The following TLK2 variants were observed in gnomAD, a reference collection of about 807,000 sequenced individuals.
The protein encoded by TLK2 is tousled like kinase 2.
In TLK2, 6 loss-of-function variants were observed where a neutral mutation model predicts 117.3. That is an observed-to-expected ratio of 0.05 (90% CI 0.03 to 0.10). The LOEUF (loss-of-function observed/expected upper bound fraction) is 0.10, where lower values mean the gene tolerates loss of function less well. TLK2 is among the 10% of genes least tolerant of loss of function. The pLI is 1.00. For synonymous variants in TLK2, 257 were observed against 316.7 expected, an observed-to-expected ratio of 0.81 and a Z score of 2.00; for missense variants, 299 against 901.2, an observed-to-expected ratio of 0.33 and a Z score of 8.56.
rs528685616 is a variant in TLK2, at chr17:62,527,309, T to C, written c.363+2978T>C. Among the ~76,000 whole-genome samples, 8 of 152,362 alleles carry C rather than the reference T, an allele frequency of 5.3e-5. No homozygotes were observed. In the East Asian group the frequency reaches 1.5e-3, roughly 29 times the overall value. ...GTTATTGGCACTTGACACACCCATGTACATACATTTTAATATATATTTAAA... is the reference window on the plus strand; with the variant it reads ...GTTATTGGCACTTGACACACCCATGCACATACATTTTAATATATATTTAAA... On this transcript the variant is annotated intron_variant, in intron 6 of 21. Coordinates refer to ENST00000346027, the MANE Select transcript of TLK2 (RefSeq NM_006852.6).
chr17:62,596,448 A>G (rs2082487334), intron 16 of TLK2, 137 bp from the exon 17 acceptor site: 5 of 633,030 alleles, frequency 7.9e-6, no homozygotes, highest in Non-Finnish European at 1.1e-5. Context: ...GAAAAGTCAG[A>G]TGAGGGACCA....
intron 10 of TLK2, among the ~76,000 whole-genome samples, chr17:62,563,398 G>A (rs2079455439): frequency 6.6e-6 from 1 of 152,100 alleles, no homozygotes; most frequent in South Asian, 2.1e-4. Context: ...AGCTGTGATT[G>A]CACTGCTGCA....
chr17:62,573,407 C>A, intron 12 of TLK2, 40 bp downstream of exon 12: 4 of 1,599,424 alleles, frequency 2.5e-6, no homozygotes, highest in Non-Finnish European at 3.4e-6. Context: ...ACACCACACC[C>A]TGCCCCCAAA....
chr17:62,543,997 A>T (rs1252084268), intron 7 of TLK2, among the ~76,000 whole-genome samples: 1 of 151,718 alleles, frequency 6.6e-6, no homozygotes. Flanking sequence ...TCTTGTGTTA[A>T]TTTTTGTGTG....
At chr17:62,567,528 A>G (rs957425649) in intron 11 of TLK2, among the ~76,000 whole-genome samples, 1 of 152,338 alleles carries the variant, frequency 6.6e-6, no homozygotes. Flanking sequence ...GCTGATGTCT[A>G]TTAATTATAG....
upstream of TLK2, among the ~76,000 whole-genome samples, chr17:62,474,502 T>C (rs1329081361): frequency 4.6e-5 from 7 of 151,944 alleles, no homozygotes; most frequent in Non-Finnish European, 7.4e-5. Context: ...CTCCACCTCC[T>C]GGGTTCATGC....
At chr17:62,488,512 T>C (rs7223515) in intron 2 of TLK2, among the ~76,000 whole-genome samples, 56,142 of 152,000 alleles carry the variant, frequency 0.37, 10,577 homozygotes, top group African/African-American at 0.41. Context: ...TATACTTATA[T>C]TGATGCATTT....
intron 19 of TLK2, among the ~76,000 whole-genome samples, chr17:62,604,945 C>A (rs1031554358): frequency 1.1e-4 from 16 of 152,048 alleles, no homozygotes; most frequent in African/African-American, 3.4e-4. Context: ...CCTGCCACTG[C>A]CATAAAAAAG....
chr17:62,533,773 C>T (rs954205302), intron 6 of TLK2, among the ~76,000 whole-genome samples: 9 of 152,132 alleles, frequency 5.9e-5, no homozygotes, highest in East Asian at 1.9e-4. Context: ...CACTGTGCCC[C>T]GCCCATGGTT....
intron 2 of TLK2, among the ~76,000 whole-genome samples, chr17:62,485,504 C>T (rs1459209643): frequency 6.6e-6 from 1 of 151,958 alleles, no homozygotes; most frequent in Non-Finnish European, 1.5e-5. Context: ...AATTTTCTTG[C>T]ATAGTGCAAA....
intron 16 of TLK2, among the ~76,000 whole-genome samples, chr17:62,594,777 T>C (rs2082335222): frequency 1.4e-5 from 2 of 147,496 alleles, no homozygotes; most frequent in South Asian, 4.3e-4. Context: ...TGCCATCCCA[T>C]TGCAGGGCGG....
At chr17:62,485,912 C>T (rs1248438024) in intron 2 of TLK2, among the ~76,000 whole-genome samples, 3 of 151,610 alleles carry the variant, frequency 2.0e-5, no homozygotes, top group African/African-American at 4.9e-5. Flanking sequence ...GCTCCGCCTC[C>T]CAGGTTCACG....
intron 2 of TLK2, among the ~76,000 whole-genome samples, chr17:62,520,177 C>T (rs762365946): frequency 2.0e-5 from 3 of 152,124 alleles, no homozygotes; most frequent in Non-Finnish European, 4.4e-5. Flanking sequence ...GTTGTGGAAC[C>T]ACTGTCCCAT....
intron 16 of TLK2, among the ~76,000 whole-genome samples, chr17:62,590,197 G>A (rs1488588190): frequency 6.6e-6 from 1 of 150,494 alleles, no homozygotes; most frequent in African/African-American, 2.4e-5. Flanking sequence ...TTTGGGAGGC[G>A]GAGGTGGGTG....
At chr17:62,542,072 T>G (rs2077575547) in intron 7 of TLK2, among the ~76,000 whole-genome samples, 1 of 152,222 alleles carries the variant, frequency 6.6e-6, no homozygotes, top group South Asian at 2.1e-4. Flanking sequence ...TTTCCTCTTC[T>G]ATTGGTGAGA....
intron 19 of TLK2, 61 bp from the exon 20 acceptor site, chr17:62,606,068 TG>T: frequency 1.4e-6 from 1 of 723,142 alleles, no homozygotes; most frequent in Non-Finnish European, 2.1e-6. Flanking sequence ...TTTGTCTTTT[TG>T]TACATGTCTT....
At chr17:62,487,630 T>TTTA (rs1464172533) in intron 2 of TLK2, among the ~76,000 whole-genome samples, 2 of 146,638 alleles carry the variant, frequency 1.4e-5, no homozygotes, top group African/African-American at 5.0e-5. Flanking sequence ...CTTTTTTTTT[T>TTTA]TTTTTTTTTT....
chr17:62,546,341 A>ATTTTTTTTTTTTTTTTTTTTT (rs1385208928), intron 7 of TLK2, among the ~76,000 whole-genome samples: 2 of 8,878 alleles, frequency 2.3e-4, no homozygotes, highest in Non-Finnish European at 8.2e-4. Context: ...GAGTTTGTTG[A>ATTTTTTTTTTTTTTTTTTTTT]TTGTTTTTTT....
intron 13 of TLK2, among the ~76,000 whole-genome samples, chr17:62,577,353 A>T (rs1374607390): frequency 6.6e-6 from 1 of 152,150 alleles, no homozygotes; most frequent in Non-Finnish European, 1.5e-5. Context: ...TGTACACATC[A>T]TAAGGCTTCC....
Sources: allele counts gnomAD v4.1 joint callset (sites outside exome capture counted in the v4.1 genomes callset), GRCh38; gene constraint gnomAD v4.1.1; transcripts MANE v1.5; gene names NCBI Gene and HGNC (gene_info 2026-07-23, HGNC 2026-07-21).